The following KHDRBS2 variants were observed in gnomAD, a reference collection of about 807,000 sequenced individuals.
KHDRBS2 encodes the protein KH domain-containing, RNA-binding, signal transduction-associated protein 2.
In KHDRBS2, 26 loss-of-function variants were observed where a neutral mutation model predicts 44.3. The observed-to-expected ratio is 0.59, with a 90% CI of 0.43 to 0.81. KHDRBS2 has a LOEUF of 0.81. Ranked by LOEUF, KHDRBS2 falls within the 40% of genes least tolerant of loss-of-function variation. KHDRBS2 has a pLI of 0.00. For missense variants in KHDRBS2, 476 were observed against 433.1 expected, an observed-to-expected ratio of 1.10 and a Z score of -0.88; for synonymous variants, 194 against 151.1, an observed-to-expected ratio of 1.28 and a Z score of -2.08.
At chr6:61,606,711 T>C in the KHDRBS2 span, among the ~76,000 whole-genome samples, 5 of 152,130 alleles carry the variant, frequency 3.3e-5, no homozygotes, top group African/African-American at 1.2e-4. Context: ...TCAGAAAGAA[T>C]AGTTGGAAGA....
chr6:61,869,964 GT>G (rs59518436), intron 6 of KHDRBS2, among the ~76,000 whole-genome samples: 13 of 109,030 alleles, frequency 1.2e-4, no homozygotes, highest in African/African-American at 3.8e-4. Context: ...CTGCAGGAGT[GT>G]TTTTTTTTTT....
At chr6:61,561,397 T>TA in the KHDRBS2 span, among the ~76,000 whole-genome samples, 1 of 152,190 alleles carries the variant, frequency 6.6e-6, no homozygotes, top group East Asian at 1.9e-4. Flanking sequence ...CTTAAAGCCC[T>TA]ATGGCTTAAA....
chr6:61,698,583 T>C (rs2127544563), intron 7 of KHDRBS2, among the ~76,000 whole-genome samples: 1 of 152,240 alleles, frequency 6.6e-6, no homozygotes, highest in East Asian at 1.9e-4. Flanking sequence ...AGAAGTAAGT[T>C]AGATCATATT....
the KHDRBS2 span, among the ~76,000 whole-genome samples, chr6:61,629,599 T>C: frequency 6.6e-6 from 1 of 152,180 alleles, no homozygotes; most frequent in Non-Finnish European, 1.5e-5. Flanking sequence ...TATAAGTGAC[T>C]GCAGGGAATT....
At chr6:61,943,183 C>T (rs1279000470) in intron 4 of KHDRBS2, among the ~76,000 whole-genome samples, 8 of 151,882 alleles carry the variant, frequency 5.3e-5, no homozygotes, top group Admixed American at 2.6e-4. Context: ...AAATTATCCT[C>T]CATAAATTAA....
At chr6:61,942,844 A>G (rs1358078756) in intron 4 of KHDRBS2, among the ~76,000 whole-genome samples, 1 of 152,030 alleles carries the variant, frequency 6.6e-6, no homozygotes, top group Non-Finnish European at 1.5e-5. Context: ...TTAGTTACCT[A>G]TAAGGAAACC....
At chr6:61,980,335 T>C (rs73481177) in intron 3 of KHDRBS2, among the ~76,000 whole-genome samples, 6,842 of 152,272 alleles carry the variant, frequency 0.045, 541 homozygotes, top group African/African-American at 0.16. Context: ...TCCTTTGTTC[T>C]ACTCCAGGTG....
chr6:61,751,263 T>G (rs1210799054), intron 6 of KHDRBS2, among the ~76,000 whole-genome samples: 1 of 152,198 alleles, frequency 6.6e-6, no homozygotes, highest in Non-Finnish European at 1.5e-5. Context: ...CTGCAATTAC[T>G]AATGGCTTCT....
chr6:61,749,019 T>C (rs1777261536), intron 6 of KHDRBS2, among the ~76,000 whole-genome samples: 1 of 139,616 alleles, frequency 7.2e-6, no homozygotes, highest in South Asian at 2.3e-4. Flanking sequence ...CTTTTTTTTT[T>C]TTTTTTTTTT....
intron 8 of KHDRBS2, among the ~76,000 whole-genome samples, chr6:61,684,084 G>T (rs1475373300): frequency 6.6e-6 from 1 of 151,878 alleles, no homozygotes; most frequent in African/African-American, 2.4e-5. Flanking sequence ...CCTAATATCA[G>T]AATGTTTATG....
At chr6:62,169,706 G>A (rs1051943462) in intron 2 of KHDRBS2, among the ~76,000 whole-genome samples, 11 of 152,000 alleles carry the variant, frequency 7.2e-5, no homozygotes, top group African/African-American at 2.7e-4. Context: ...ATGGGAAAAT[G>A]CCCCGGCCCC....
the KHDRBS2 span, among the ~76,000 whole-genome samples, chr6:61,671,928 T>C: frequency 1.8e-4 from 27 of 152,010 alleles, 1 homozygote; most frequent in African/African-American, 6.0e-4. Context: ...ACATGTGCCA[T>C]GCTGTGTGCT....
intron 2 of KHDRBS2, among the ~76,000 whole-genome samples, chr6:62,084,589 C>T (rs1798059555): frequency 6.6e-6 from 1 of 152,108 alleles, no homozygotes; most frequent in Non-Finnish European, 1.5e-5. Flanking sequence ...ATGGGGCTAT[C>T]TCAAGGCATG....
At chr6:61,713,183 C>T (rs1433151898) in intron 7 of KHDRBS2, among the ~76,000 whole-genome samples, 9 of 151,554 alleles carry the variant, frequency 5.9e-5, no homozygotes, top group Non-Finnish European at 3.0e-5. Context: ...ATCTGGTGTA[C>T]AGCATTGCAA....
chr6:62,161,974 A>G (rs1252674466), intron 2 of KHDRBS2, among the ~76,000 whole-genome samples: 2 of 152,042 alleles, frequency 1.3e-5, no homozygotes, highest in African/African-American at 4.8e-5. Flanking sequence ...TATATGCCCC[A>G]AAACATAAAC....
At chr6:61,692,200 A>C (rs1767449524) in intron 8 of KHDRBS2, among the ~76,000 whole-genome samples, 1 of 152,062 alleles carries the variant, frequency 6.6e-6, no homozygotes, top group African/African-American at 2.4e-5. Context: ...CATCTGAAAC[A>C]ATTATAGTGA....
intron 3 of KHDRBS2, among the ~76,000 whole-genome samples, chr6:62,036,829 G>A (rs1584290695): frequency 6.6e-6 from 1 of 151,896 alleles, no homozygotes; most frequent in African/African-American, 2.4e-5. Context: ...CTATACAAAT[G>A]AAATAATTAA....
At chr6:62,154,999 G>T (rs1816043885) in intron 2 of KHDRBS2, among the ~76,000 whole-genome samples, 1 of 152,130 alleles carries the variant, frequency 6.6e-6, no homozygotes, top group African/African-American at 2.4e-5. Flanking sequence ...TCCTCACTAA[G>T]ACTTTTGTGA....
chr6:61,791,272 T>C (rs1562188939), intron 6 of KHDRBS2, among the ~76,000 whole-genome samples: 1 of 151,412 alleles, frequency 6.6e-6, no homozygotes, highest in Non-Finnish European at 1.5e-5. Flanking sequence ...TTTCTTCTAC[T>C]GTTTTCTTTG....
Sources: allele counts gnomAD v4.1 joint callset (sites outside exome capture counted in the v4.1 genomes callset), GRCh38; gene constraint gnomAD v4.1.1; transcripts MANE v1.5; gene names NCBI Gene and HGNC (gene_info 2026-07-23, HGNC 2026-07-21).